Variants in PRKAR1A observed in about 807,000 individuals in gnomAD.
PRKAR1A encodes protein kinase cAMP-dependent type I regulatory subunit alpha, also known as cAMP-dependent protein kinase type I-alpha regulatory subunit.
PRKAR1A carries 3 observed loss-of-function variants against 52.0 expected under a neutral mutation model. That is an observed-to-expected ratio of 0.06 (90% CI 0.03 to 0.15). PRKAR1A has a LOEUF of 0.15. Among genes scored for constraint, PRKAR1A ranks in the 10% least tolerant of loss-of-function variants. The pLI is 1.00. For missense variants in PRKAR1A, 240 were observed against 477.4 expected, an observed-to-expected ratio of 0.50 and a Z score of 4.63; for synonymous variants, 188 against 168.4, an observed-to-expected ratio of 1.12 and a Z score of -0.90.
the PRKAR1A span, among the ~76,000 whole-genome samples, chr17:68,419,991 C>T: frequency 6.6e-6 from 1 of 152,026 alleles, no homozygotes; most frequent in African/African-American, 2.4e-5. Flanking sequence ...AAAAGCAAAA[C>T]ATTTTGGACC....
the PRKAR1A span, among the ~76,000 whole-genome samples, chr17:68,469,932 ATCTCTTTCATG>A: frequency 1.3e-5 from 2 of 152,148 alleles, no homozygotes; most frequent in African/African-American, 4.8e-5. Context: ...GTTTTTGCAT[ATCTCTTTCATG>A]TCTGGTATAA....
the PRKAR1A span, among the ~76,000 whole-genome samples, chr17:68,495,449 C>T: frequency 6.6e-6 from 1 of 152,210 alleles, no homozygotes; most frequent in Non-Finnish European, 1.5e-5. Flanking sequence ...CATCCTTACT[C>T]CATTCCTCTG....
At chr17:68,426,063 C>G in the PRKAR1A span, 6 of 1,612,024 alleles carry the variant, frequency 3.7e-6, no homozygotes, top group African/African-American at 6.7e-5. Context: ...GTTACGGGTT[C>G]CTAATGCTCA....
rs1287666924 is a variant in PRKAR1A, at chr17:68,540,655, T to G, written c.974-10429T>G. The G allele has an allele frequency of 2.2e-5, 16 of 729,208 alleles. No individual in the cohort carries two copies. In the East Asian group the frequency reaches 2.3e-4, roughly 11 times the overall value. 45.2% of individuals were successfully genotyped at this position (729,208 alleles called of 1,614,324 possible). ...CTTATGAGTGACGACCCCTTGAGCT[T>G]CTTCCAGTTCTTTGAAGAGAGGGGA... On this transcript the variant is annotated intron_variant, in intron 11 of 11. Coordinates refer to the PRKAR1A transcript ENST00000585981.
Position 68,525,857 on chromosome 17 carries a change from A to G in PRKAR1A, c.653A>G (p.Lys218Arg). 6.2e-7 allele frequency: 1 copy of G among 1,613,932 alleles called. No homozygotes were observed. Among genetic ancestry groups the G allele is most frequent in the Non-Finnish European group, 8.5e-7 (1 of 1,179,926 alleles). The change falls in exon 7 of 11, where the codon AAG (lysine) becomes AGG (arginine). Residue 218 changes from lysine (K) to arginine (R), a missense_variant. Physicochemically the swap from Lys to Arg is conservative, Grantham distance 26. Coordinates refer to ENST00000589228, the MANE Select transcript of PRKAR1A (RefSeq NM_002734.5). Reference protein sequence around the residue: ...GTPRAATVKAKTNVKLWGIDR... With the variant: ...GTPRAATVKARTNVKLWGIDR... ...CCGAGAGCAGCCACTGTCAAAGCAA[A>G]GACAAATGTGAAATTGTGGGGCATC...
chr17:68,419,017 C>CCA, the PRKAR1A span, among the ~76,000 whole-genome samples: 3 of 112,960 alleles, frequency 2.7e-5, no homozygotes, highest in Non-Finnish European at 5.8e-5. Context: ...ATAGCAAAGC[C>CCA]AAAAAAAAAA....
At chr17:68,549,802 A>T (rs2086749612) in intron 11 of PRKAR1A, among the ~76,000 whole-genome samples, 1 of 152,148 alleles carries the variant, frequency 6.6e-6, no homozygotes, top group Non-Finnish European at 1.5e-5. Flanking sequence ...TCACATGTCT[A>T]CTTGTGGAAC....
chr17:68,477,421 T>C, the PRKAR1A span, among the ~76,000 whole-genome samples: 1 of 152,224 alleles, frequency 6.6e-6, no homozygotes, highest in Non-Finnish European at 1.5e-5. Flanking sequence ...ACAATCTTAA[T>C]GTCATAGTCT....
chr17:68,489,717 AT>A, the PRKAR1A span, among the ~76,000 whole-genome samples: 65,936 of 147,490 alleles, frequency 0.45, 15,253 homozygotes, highest in East Asian at 0.66. Flanking sequence ...CACCCGGCAA[AT>A]TTTTTTTTTT....
At chr17:68,439,333 A>G in the PRKAR1A span, among the ~76,000 whole-genome samples, 1 of 152,218 alleles carries the variant, frequency 6.6e-6, no homozygotes, top group Non-Finnish European at 1.5e-5. Context: ...TACAACACAG[A>G]AGAACCTTGG....
the PRKAR1A span, among the ~76,000 whole-genome samples, chr17:68,496,313 A>T: frequency 2.6e-5 from 4 of 151,660 alleles, no homozygotes; most frequent in African/African-American, 9.7e-5. Context: ...AAGTGCTGGG[A>T]TTACAGGCAT....
the PRKAR1A span, among the ~76,000 whole-genome samples, chr17:68,419,657 G>A: frequency 6.6e-6 from 1 of 152,096 alleles, no homozygotes. Flanking sequence ...CGAGTTCAAG[G>A]AGAACTTCCA....
chr17:68,474,237 A>G, the PRKAR1A span, among the ~76,000 whole-genome samples: 1 of 152,222 alleles, frequency 6.6e-6, no homozygotes, highest in African/African-American at 2.4e-5. Context: ...CCAAATTTAG[A>G]GCATTTAGTC....
chr17:68,421,496 G>T, the PRKAR1A span: 2 of 426,164 alleles, frequency 4.7e-6, no homozygotes, highest in Non-Finnish European at 8.6e-6. Flanking sequence ...ATAAAATTCC[G>T]GTTATATACC....
the PRKAR1A span, among the ~76,000 whole-genome samples, chr17:68,486,366 C>T: frequency 6.6e-6 from 1 of 150,622 alleles, no homozygotes; most frequent in East Asian, 2.0e-4. Flanking sequence ...CCCCCTCTTC[C>T]TCTTATTCTT....
chr17:68,427,443 G>A, the PRKAR1A span: 16 of 413,652 alleles, frequency 3.9e-5, no homozygotes, highest in South Asian at 2.0e-4. Flanking sequence ...TGCAACCTCC[G>A]CCTCCTGGGT....
intron 11 of PRKAR1A, among the ~76,000 whole-genome samples, chr17:68,548,122 C>G (rs2086653058): frequency 6.6e-6 from 1 of 152,190 alleles, no homozygotes; most frequent in South Asian, 2.1e-4. Flanking sequence ...AGGCCAGGTG[C>G]AGTGGCTCAC....
the PRKAR1A span, among the ~76,000 whole-genome samples, chr17:68,415,648 C>T: frequency 2.6e-5 from 4 of 151,602 alleles, no homozygotes; most frequent in African/African-American, 4.9e-5. Context: ...ATTGTGTTGC[C>T]GTCTATCTCA....
chr17:68,522,283 C>T (rs370111732), intron 2 of PRKAR1A, among the ~76,000 whole-genome samples: 1 of 152,174 alleles, frequency 6.6e-6, no homozygotes, highest in African/African-American at 2.4e-5. Context: ...TGAAATAACT[C>T]AGTAATCTAG....
Sources: gnomAD v4.1 joint callset for allele counts (sites outside exome capture counted in the v4.1 genomes callset) on GRCh38, gnomAD v4.1.1 for gene constraint, MANE v1.5 for transcripts, NCBI Gene and HGNC (gene_info 2026-07-23, HGNC 2026-07-21) for gene names.